SLC16A12: variants seen among roughly 807,000 people sequenced by gnomAD.
The protein encoded by SLC16A12 is monocarboxylate transporter 12.
In SLC16A12, 17 loss-of-function variants were observed where a neutral mutation model predicts 42.4. The observed-to-expected ratio is 0.40, with a 90% CI of 0.27 to 0.60. SLC16A12 has a LOEUF of 0.60. Ranked by LOEUF, SLC16A12 falls within the 20% of genes least tolerant of loss-of-function variation. SLC16A12 has a pLI of 0.42. For missense variants in SLC16A12, 544 were observed against 623.0 expected (o/e 0.87, Z 1.35); for synonymous variants, 224 against 229.4 (o/e 0.98, Z 0.21).
chr10:89,533,173 T>A (rs1843587666), intron 2 of SLC16A12, among the ~76,000 whole-genome samples: 1 of 151,882 alleles, frequency 6.6e-6, no homozygotes, highest in Non-Finnish European at 1.5e-5. Context: ...TTTTAGTTTT[T>A]TTTTTTTCCA....
intron 2 of SLC16A12, among the ~76,000 whole-genome samples, chr10:89,524,980 G>A (rs2133860396): frequency 6.6e-6 from 1 of 152,282 alleles, no homozygotes; most frequent in South Asian, 2.1e-4. Context: ...CACTTTGGGA[G>A]GCTGAGGCGG....
intron 2 of SLC16A12, among the ~76,000 whole-genome samples, chr10:89,487,964 GTA>G (rs147234370): frequency 0.065 from 8,234 of 126,444 alleles, 269 homozygotes; most frequent in Non-Finnish European, 0.084. Context: ...TGGTGTGTGT[GTA>G]TATATATATA....
chr10:89,496,659 G>C (rs1489408062), intron 2 of SLC16A12, among the ~76,000 whole-genome samples: 2 of 152,056 alleles, frequency 1.3e-5, no homozygotes, highest in East Asian at 3.8e-4. Flanking sequence ...ATATGAAAAG[G>C]CAAAATAATT....
At chr10:89,434,898 A>G (rs1251340569) in intron 7 of SLC16A12, among the ~76,000 whole-genome samples, 1 of 152,230 alleles carries the variant, frequency 6.6e-6, no homozygotes, top group Non-Finnish European at 1.5e-5. Flanking sequence ...AGGAATCTGC[A>G]TTTTTAACAA....
intron 2 of SLC16A12, among the ~76,000 whole-genome samples, chr10:89,499,709 A>G (rs1318825632): frequency 2.0e-5 from 3 of 152,196 alleles, no homozygotes; most frequent in Non-Finnish European, 4.4e-5. Context: ...AAAAGAGCAC[A>G]AACAGACAAT....
intron 3 of SLC16A12, among the ~76,000 whole-genome samples, chr10:89,457,451 T>C (rs1842214289): frequency 6.6e-6 from 1 of 152,164 alleles, no homozygotes; most frequent in Non-Finnish European, 1.5e-5. Flanking sequence ...CCAGTCAGAA[T>C]GGTGATTATT....
chr10:89,485,261 C>T (rs1383912944), intron 2 of SLC16A12, among the ~76,000 whole-genome samples: 1 of 152,198 alleles, frequency 6.6e-6, no homozygotes, highest in Non-Finnish European at 1.5e-5. Context: ...TTCCACAGGA[C>T]ATCCTGAAAA....
intron 4 of SLC16A12, among the ~76,000 whole-genome samples, chr10:89,442,694 T>A (rs1841932722): frequency 6.6e-6 from 1 of 152,204 alleles, no homozygotes. Flanking sequence ...AGCCTTCTCA[T>A]GAAACCTGCT....
At chr10:89,453,203 T>C (rs757723860) in intron 3 of SLC16A12, among the ~76,000 whole-genome samples, 1 of 152,196 alleles carries the variant, frequency 6.6e-6, no homozygotes, top group Non-Finnish European at 1.5e-5. Flanking sequence ...GAGAGAATGG[T>C]AACATAAACT....
At chr10:89,481,878 C>G (rs1842669311) in intron 2 of SLC16A12, among the ~76,000 whole-genome samples, 1 of 152,098 alleles carries the variant, frequency 6.6e-6, no homozygotes, top group Admixed American at 6.6e-5. Flanking sequence ...CATGGCATTT[C>G]AGGCTCGCAT....
chr10:89,483,918 G>A (rs1048732872), intron 2 of SLC16A12, among the ~76,000 whole-genome samples: 1 of 152,130 alleles, frequency 6.6e-6, no homozygotes, highest in Non-Finnish European at 1.5e-5. Context: ...CAAGTGCATA[G>A]TCTTTTGGCA....
intron 2 of SLC16A12, among the ~76,000 whole-genome samples, chr10:89,494,124 A>G (rs1842887713): frequency 6.6e-6 from 1 of 152,260 alleles, no homozygotes; most frequent in Non-Finnish European, 1.5e-5. Context: ...ATCTAACACG[A>G]AAGTGTCAGC....
chr10:89,502,521 T>C (rs1191526825), intron 2 of SLC16A12, among the ~76,000 whole-genome samples: 1 of 152,176 alleles, frequency 6.6e-6, no homozygotes, highest in Admixed American at 6.5e-5. Flanking sequence ...AGATCTTGCA[T>C]GCATTCACCT....
At chr10:89,453,770 G>C (rs920334624) in intron 3 of SLC16A12, among the ~76,000 whole-genome samples, 6 of 152,016 alleles carry the variant, frequency 3.9e-5, no homozygotes, top group Non-Finnish European at 8.8e-5. Flanking sequence ...TTACCCGAAG[G>C]CTTCTCAGTG....
intron 2 of SLC16A12, among the ~76,000 whole-genome samples, chr10:89,484,868 G>A (rs1842723261): frequency 6.6e-6 from 1 of 152,208 alleles, no homozygotes; most frequent in Admixed American, 6.5e-5. Context: ...TGGGGCAGGT[G>A]AGTGACAGCC....
intron 2 of SLC16A12, among the ~76,000 whole-genome samples, chr10:89,525,164 T>C (rs1589726725): frequency 7.5e-6 from 1 of 132,604 alleles, no homozygotes; most frequent in East Asian, 2.2e-4. Flanking sequence ...GAAGTTGCCG[T>C]GGGCCGAGAT....
intron 5 of SLC16A12, among the ~76,000 whole-genome samples, chr10:89,440,548 A>C (rs1841890014): frequency 6.6e-6 from 1 of 152,238 alleles, no homozygotes; most frequent in Non-Finnish European, 1.5e-5. Flanking sequence ...AATCCTATGC[A>C]GTCTCTGTAA....
chr10:89,459,265 A>G (rs1215592230), intron 3 of SLC16A12, among the ~76,000 whole-genome samples: 2 of 152,134 alleles, frequency 1.3e-5, no homozygotes, highest in East Asian at 1.9e-4. Context: ...GCTGGATATT[A>G]AGAAGTTGCC....
intron 3 of SLC16A12, among the ~76,000 whole-genome samples, chr10:89,449,949 G>C (rs1345201171): frequency 6.6e-6 from 1 of 152,142 alleles, no homozygotes; most frequent in African/African-American, 2.4e-5. Flanking sequence ...AGGTGGCAAA[G>C]GATATGAAGA....
Sources: gnomAD v4.1 joint callset for allele counts (sites outside exome capture counted in the v4.1 genomes callset) on GRCh38, gnomAD v4.1.1 for gene constraint, MANE v1.5 for transcripts, NCBI Gene and HGNC (gene_info 2026-07-23, HGNC 2026-07-21) for gene names.